Variants in ZFHX3 observed in about 807,000 individuals in gnomAD.
ZFHX3 encodes the protein zinc finger homeobox protein 3.
Under a neutral mutation model 279.1 loss-of-function variants are expected in ZFHX3, and 42 were observed. The ratio of observed to expected loss-of-function variants is 0.15; its 90% confidence interval spans 0.12 to 0.19. The LOEUF is 0.19. ZFHX3 is among the 10% of genes least tolerant of loss of function. The pLI is 1.00. For missense variants in ZFHX3, 4,981 were observed against 4,754.0 expected (o/e 1.05, Z -1.40); for synonymous variants, 2,293 against 1,957.8 (o/e 1.17, Z -4.52).
intron 1 of ZFHX3, among the ~76,000 whole-genome samples, chr16:72,978,436 T>A (rs975353693): frequency 6.6e-6 from 1 of 152,102 alleles, no homozygotes; most frequent in African/African-American, 2.4e-5. Flanking sequence ...TGATGGGAAA[T>A]TCCATTAGAA....
At chr16:73,309,906 CTTTTTTTT>C (rs57812149) in intron 4 of ZFHX3, among the ~76,000 whole-genome samples, 42,333 of 114,554 alleles carry the variant, frequency 0.37, 6,893 homozygotes, top group East Asian at 0.56. Flanking sequence ...TTTTTCTTGC[CTTTTTTTT>C]TTTTTTTTTT....
chr16:73,845,031 G>T (rs1245075525), intron 1 of ZFHX3, among the ~76,000 whole-genome samples: 1 of 152,112 alleles, frequency 6.6e-6, no homozygotes, highest in African/African-American at 2.4e-5. Flanking sequence ...GGAAGAGGTG[G>T]TAGGAGCTCC....
In ZFHX3 at chr16:73,256,911, A is replaced by G. The variant is rs548161706; in HGVS notation, c.-1104+136T>C. ...ATTTGGATTATCATCCAAATGCATT[A>G]TAATGATACTATCTAAATTATAATA... On this transcript the variant is annotated intron_variant, in intron 5 of 17. Coordinates refer to the ZFHX3 transcript ENST00000641206. The G allele has an allele frequency of 5.9e-5, 9 of 152,252 alleles. 1 individual carries two copies. In the South Asian group the frequency reaches 1.9e-3, roughly 32 times the overall value. The allele number at this position is 152,252 out of a possible 1,614,324, so 9.4% of individuals were successfully genotyped here.
At chr16:73,712,891 G>A (rs903471648) in intron 1 of ZFHX3, among the ~76,000 whole-genome samples, 3 of 152,192 alleles carry the variant, frequency 2.0e-5, no homozygotes, top group Admixed American at 1.3e-4. Context: ...GAGACTACAG[G>A]CCATTTGCGC....
chr16:73,310,587 A>C (rs2143162977), intron 4 of ZFHX3, among the ~76,000 whole-genome samples: 1 of 152,244 alleles, frequency 6.6e-6, no homozygotes, highest in Admixed American at 6.5e-5. Flanking sequence ...GACATCTAAT[A>C]GGTAGAGGCA....
chr16:73,585,441 G>T (rs1318892986), intron 2 of ZFHX3, among the ~76,000 whole-genome samples: 1 of 152,112 alleles, frequency 6.6e-6, no homozygotes, highest in African/African-American at 2.4e-5. Flanking sequence ...ACACACTGGG[G>T]CTTGTCGGGA....
intron 4 of ZFHX3, among the ~76,000 whole-genome samples, chr16:72,867,141 C>T (rs2038042661): frequency 6.6e-6 from 1 of 152,154 alleles, no homozygotes; most frequent in Admixed American, 6.5e-5. Flanking sequence ...ATGAGACTGT[C>T]CAGGCGGCAT....
intron 2 of ZFHX3, among the ~76,000 whole-genome samples, chr16:73,630,244 A>T (rs768478699): frequency 6.6e-6 from 1 of 150,856 alleles, no homozygotes; most frequent in African/African-American, 2.4e-5. Flanking sequence ...TCCAGATTTA[A>T]CTTCGCCTCC....
At chr16:73,485,596 C>T (rs561580680) in intron 2 of ZFHX3, among the ~76,000 whole-genome samples, 1 of 152,116 alleles carries the variant, frequency 6.6e-6, no homozygotes, top group East Asian at 1.9e-4. Flanking sequence ...CCTGCTCGAC[C>T]TTTCTCTCTT....
chr16:73,516,869 T>C (rs1320101788), intron 2 of ZFHX3, among the ~76,000 whole-genome samples: 1 of 152,224 alleles, frequency 6.6e-6, no homozygotes, highest in East Asian at 1.9e-4. Flanking sequence ...GTGGGGCTCA[T>C]CTTGAATACT....
At chr16:72,893,559 TAA>T (rs56294400) in intron 3 of ZFHX3, among the ~76,000 whole-genome samples, 1 of 143,862 alleles carries the variant, frequency 7.0e-6, no homozygotes, top group African/African-American at 3.0e-5. Flanking sequence ...ATGGATATGA[TAA>T]AAGATATTCT....
intron 1 of ZFHX3, among the ~76,000 whole-genome samples, chr16:73,849,710 T>C (rs1280222188): frequency 6.6e-6 from 1 of 152,234 alleles, no homozygotes; most frequent in Admixed American, 6.5e-5. Context: ...ATCTGAGCTG[T>C]TGCCTTCATC....
At chr16:73,204,534 G>A (rs1482328657) in intron 5 of ZFHX3, among the ~76,000 whole-genome samples, 1 of 152,160 alleles carries the variant, frequency 6.6e-6, no homozygotes, top group Non-Finnish European at 1.5e-5. Flanking sequence ...GAGCCCAGTG[G>A]TAATGCGAGT....
At chr16:72,920,904 T>A (rs1393210428) in intron 3 of ZFHX3, among the ~76,000 whole-genome samples, 1 of 151,322 alleles carries the variant, frequency 6.6e-6, no homozygotes, top group Admixed American at 6.6e-5. Flanking sequence ...ACCCCCCATA[T>A]CTACAAAAAA....
At chr16:73,843,641 C>T (rs930286854) in intron 1 of ZFHX3, among the ~76,000 whole-genome samples, 1 of 152,218 alleles carries the variant, frequency 6.6e-6, no homozygotes, top group Non-Finnish European at 1.5e-5. Context: ...TTGCTCTCCT[C>T]GTATCATCTG....
At chr16:72,963,975 CAAAG>C (rs1409238503) in intron 1 of ZFHX3, among the ~76,000 whole-genome samples, 2 of 152,196 alleles carry the variant, frequency 1.3e-5, no homozygotes, top group Non-Finnish European at 1.5e-5. Flanking sequence ...GGAGGAAAAA[CAAAG>C]AGAGAATAGA....
intron 1 of ZFHX3, among the ~76,000 whole-genome samples, chr16:73,858,938 T>C (rs1555505384): frequency 6.6e-6 from 1 of 152,236 alleles, no homozygotes; most frequent in Non-Finnish European, 1.5e-5. Flanking sequence ...CCCTCCTTTT[T>C]AGCTGTCATC....
intron 4 of ZFHX3, among the ~76,000 whole-genome samples, chr16:72,889,362 A>G (rs921212432): frequency 1.3e-5 from 2 of 152,102 alleles, no homozygotes; most frequent in East Asian, 1.9e-4. Flanking sequence ...AATTGAATCT[A>G]AAGTATGTAC....
intron 5 of ZFHX3, among the ~76,000 whole-genome samples, chr16:73,244,803 G>A (rs115657139): frequency 1.3e-5 from 2 of 152,312 alleles, no homozygotes; most frequent in African/African-American, 4.8e-5. Context: ...CAGGGACAGA[G>A]CAGGATGGGG....
Sources: gnomAD v4.1 joint callset for allele counts (sites outside exome capture counted in the v4.1 genomes callset) on GRCh38, gnomAD v4.1.1 for gene constraint, MANE v1.5 for transcripts, NCBI Gene and HGNC (gene_info 2026-07-23, HGNC 2026-07-21) for gene names.